Variants in RFX4 observed in about 807,000 individuals in gnomAD.
The protein encoded by RFX4 is transcription factor RFX4.
In RFX4, 10 loss-of-function variants were observed where a neutral mutation model predicts 95.0. The ratio of observed to expected loss-of-function variants is 0.11; its 90% confidence interval spans 0.06 to 0.18. The LOEUF (loss-of-function observed/expected upper bound fraction) is 0.18, where lower values mean the gene tolerates loss of function less well. RFX4 is among the 10% of genes least tolerant of loss of function. The pLI is 1.00. For synonymous variants in RFX4, 321 were observed against 340.7 expected, an observed-to-expected ratio of 0.94 and a Z score of 0.64; for missense variants, 640 against 922.0, an observed-to-expected ratio of 0.69 and a Z score of 3.96.
intron 15 of RFX4, among the ~76,000 whole-genome samples, chr12:106,745,659 A>G (rs1467855591): frequency 6.6e-6 from 1 of 152,192 alleles, no homozygotes; most frequent in Non-Finnish European, 1.5e-5. Flanking sequence ...CCTTTCCTTT[A>G]TCTTTCCAGA....
intron 2 of RFX4, among the ~76,000 whole-genome samples, chr12:106,636,549 G>C (rs1029007043): frequency 6.6e-6 from 1 of 152,130 alleles, no homozygotes; most frequent in African/African-American, 2.4e-5. Context: ...AAGAGTTGGT[G>C]GCATTTATTC....
At chr12:106,628,256 T>A (rs759508588) in intron 2 of RFX4, among the ~76,000 whole-genome samples, 4 of 152,176 alleles carry the variant, frequency 2.6e-5, no homozygotes, top group African/African-American at 9.7e-5. Flanking sequence ...TTGAGCACAC[T>A]GCCAGGCCAG....
rs559206250 is a variant in RFX4, at chr12:106,598,905, A to G, written c.44-9892A>G. On this transcript the variant is annotated intron_variant, in intron 1 of 17. Coordinates refer to ENST00000392842, the MANE Select transcript of RFX4 (RefSeq NM_213594.3). ...CAAAGAAAAAAGTCTGCTAACATTA[A>G]GTAGTAGTAGGTACACCCTTCCCCA... 9.2e-5 allele frequency among the ~76,000 whole-genome samples: 14 copies of G among 152,360 alleles called. No individual in the cohort carries two copies. The East Asian group carries it at 2.5e-3, about 27-fold the overall frequency.
chr12:106,607,697 C>A (rs938591200), intron 1 of RFX4, among the ~76,000 whole-genome samples: 2 of 152,070 alleles, frequency 1.3e-5, no homozygotes, highest in Admixed American at 6.6e-5. Flanking sequence ...TGCATTGGGA[C>A]GCATTTGTTT....
At chr12:106,592,897 A>T (rs973720115) in intron 1 of RFX4, among the ~76,000 whole-genome samples, 5 of 152,146 alleles carry the variant, frequency 3.3e-5, no homozygotes, top group Non-Finnish European at 5.9e-5. Flanking sequence ...AGTTCTTGAA[A>T]TGTTTACGAG....
At chr12:106,738,118 C>T (rs534826363) in intron 15 of RFX4, among the ~76,000 whole-genome samples, 1 of 152,286 alleles carries the variant, frequency 6.6e-6, no homozygotes, top group South Asian at 2.1e-4. Flanking sequence ...TCCTGAGTCT[C>T]CTTTCTCCCT....
chr12:106,584,870 G>A (rs1193540916), intron 1 of RFX4, among the ~76,000 whole-genome samples: 1 of 152,150 alleles, frequency 6.6e-6, no homozygotes, highest in Non-Finnish European at 1.5e-5. Context: ...GCTAAGCCCC[G>A]AAGTTCTCCT....
chr12:106,694,898 G>A (rs1472874781), intron 7 of RFX4, among the ~76,000 whole-genome samples: 1 of 152,038 alleles, frequency 6.6e-6, no homozygotes, highest in African/African-American at 2.4e-5. Context: ...TTCGCCAGGT[G>A]TGGTGGCACA....
intron 1 of RFX4, among the ~76,000 whole-genome samples, chr12:106,593,399 T>C (rs1361599569): frequency 2.0e-5 from 3 of 152,222 alleles, no homozygotes; most frequent in African/African-American, 7.2e-5. Flanking sequence ...AATTTACCAC[T>C]ACATAAGCAC....
intron 2 of RFX4, among the ~76,000 whole-genome samples, chr12:106,637,885 A>G (rs1003900197): frequency 1.3e-5 from 2 of 152,200 alleles, no homozygotes; most frequent in Non-Finnish European, 2.9e-5. Flanking sequence ...TTTGCAATCT[A>G]TTTAATAATA....
intron 3 of RFX4, among the ~76,000 whole-genome samples, chr12:106,647,899 C>T (rs1319773725): frequency 6.6e-6 from 1 of 152,046 alleles, no homozygotes; most frequent in African/African-American, 2.4e-5. Context: ...GTGCCCCAGG[C>T]TATATGCTTG....
At chr12:106,673,083 T>C (rs2041317874) in intron 4 of RFX4, among the ~76,000 whole-genome samples, 1 of 152,310 alleles carries the variant, frequency 6.6e-6, no homozygotes, top group South Asian at 2.1e-4. Flanking sequence ...CACACTAATA[T>C]GTTCCTTGGG....
chr12:106,651,794 T>G (rs2040861824), intron 3 of RFX4, among the ~76,000 whole-genome samples: 1 of 152,184 alleles, frequency 6.6e-6, no homozygotes, highest in South Asian at 2.1e-4. Flanking sequence ...GGGTCCAGTG[T>G]TGCCAGATCT....
intron 15 of RFX4, among the ~76,000 whole-genome samples, chr12:106,746,715 C>T (rs925862934): frequency 6.6e-6 from 1 of 152,126 alleles, no homozygotes; most frequent in Non-Finnish European, 1.5e-5. Flanking sequence ...TTCAAAAAGA[C>T]CTGAGCTGGC....
chr12:106,711,556 C>T, intron 10 of RFX4, 45 bp downstream of exon 10: 1 of 1,546,528 alleles, frequency 6.5e-7, no homozygotes, highest in Non-Finnish European at 8.9e-7. Flanking sequence ...TGAGTCATTG[C>T]AAATGAGGGG....
intron 4 of RFX4, among the ~76,000 whole-genome samples, chr12:106,667,671 G>A (rs543123042): frequency 1.3e-5 from 2 of 152,254 alleles, no homozygotes; most frequent in East Asian, 1.9e-4. Context: ...AGGGAGCCAC[G>A]ATTCCCTGTA....
intron 4 of RFX4, among the ~76,000 whole-genome samples, chr12:106,666,117 C>A (rs2137352626): frequency 6.6e-6 from 1 of 152,124 alleles, no homozygotes; most frequent in South Asian, 2.1e-4. Context: ...GTCTCTACTA[C>A]TACTTCAGTT....
rs78028249 is a variant in RFX4, at chr12:106,657,868, T to C, written c.315+3517T>C. On this transcript the variant is annotated intron_variant, in intron 4 of 17. Coordinates refer to ENST00000392842, the MANE Select transcript of RFX4 (RefSeq NM_213594.3). ...CATTTATCATGACTTGAAATAGATA[T>C]ATTTATACATTTATATAGTATAGTT... 2.0e-3 allele frequency among the ~76,000 whole-genome samples: 297 copies of C among 152,268 alleles called. 4 individuals are homozygous for C. The highest frequency in any genetic ancestry group is 6.8e-3 in the African/African-American group (281 of 41,554).
At chr12:106,704,855 C>T (rs35379085) in intron 8 of RFX4, among the ~76,000 whole-genome samples, 11,413 of 151,616 alleles carry the variant, frequency 0.075, 546 homozygotes, top group East Asian at 0.26. Context: ...GTGTGTGTGT[C>T]GTATGGGCAG....
Sources: allele counts gnomAD v4.1 joint callset (sites outside exome capture counted in the v4.1 genomes callset), GRCh38; gene constraint gnomAD v4.1.1; transcripts MANE v1.5; gene names NCBI Gene and HGNC (gene_info 2026-07-23, HGNC 2026-07-21).